Variants in SGCZ observed in about 807,000 individuals in gnomAD.
SGCZ encodes sarcoglycan zeta.
Under a neutral mutation model 41.3 loss-of-function variants are expected in SGCZ, and 40 were observed. The ratio of observed to expected loss-of-function variants is 0.97; its 90% confidence interval spans 0.75 to 1.26. The LOEUF is 1.26. SGCZ is among the 50% of genes most tolerant of loss of function. The probability of loss-of-function intolerance (pLI) is 0.00; values close to 1 mark genes in which losing one functional copy is unlikely to be tolerated. For synonymous variants in SGCZ, 206 were observed against 137.5 expected (o/e 1.50, Z -3.49); for missense variants, 552 against 369.8 (o/e 1.49, Z -4.04).
At position 15,005,333 on chromosome 8, in the gene SGCZ, T is replaced by TC. The variant is rs1329693142; in HGVS notation, c.39+232251_39+232252insG. On this transcript the variant is annotated intron_variant, in intron 1 of 7. Coordinates refer to ENST00000382080, the MANE Select transcript of SGCZ (RefSeq NM_139167.4). ...TCCCCCGTTTTTTTCTTTTTCTTTT[T>TC]TTTTTTTTTTTTTTTGACATGGAGT... is the stretch of plus-strand genomic sequence containing the variant. Among the ~76,000 whole-genome samples the TC allele has an allele frequency of 1.9e-4, 27 of 142,542 alleles. No homozygotes were observed. The East Asian group carries it at 4.4e-3, about 23-fold the overall frequency. The allele number at this position is 142,542 out of a possible 152,430, so 93.5% of individuals were successfully genotyped here.
intron 2 of SGCZ, among the ~76,000 whole-genome samples, chr8:14,368,427 G>A (rs1428981909): frequency 1.3e-5 from 2 of 151,990 alleles, no homozygotes; most frequent in East Asian, 3.8e-4. Context: ...TACGGCATCA[G>A]CAATTAGATG....
intron 1 of SGCZ, among the ~76,000 whole-genome samples, chr8:15,134,217 C>T (rs1417303999): frequency 2.0e-5 from 3 of 151,788 alleles, no homozygotes; most frequent in Non-Finnish European, 4.4e-5. Flanking sequence ...ATCATACCAG[C>T]TGGAAAAGGT....
chr8:14,829,427 TTTTC>T (rs1802450168), intron 1 of SGCZ, among the ~76,000 whole-genome samples: 1 of 152,236 alleles, frequency 6.6e-6, no homozygotes, highest in South Asian at 2.1e-4. Flanking sequence ...GTGTATATTA[TTTTC>T]TTTATCTTTT....
In SGCZ at chr8:15,236,189, C is replaced by G. The variant is rs146309238; in HGVS notation, c.39+1396G>C. On this transcript the variant is annotated intron_variant, in intron 1 of 7. Coordinates refer to ENST00000382080, the MANE Select transcript of SGCZ (RefSeq NM_139167.4). Reference sequence around the variant, plus strand: ...ACTGTCCTCCCTCCGTCCTGGACTGCATCTACAGTCAGTGGCAGGGCGATT... The same window carrying G: ...ACTGTCCTCCCTCCGTCCTGGACTGGATCTACAGTCAGTGGCAGGGCGATT... Among the ~76,000 whole-genome samples, 729 of 152,336 alleles carry G rather than the reference C, an allele frequency of 4.8e-3. 5 individuals are homozygous for G. Among genetic ancestry groups the G allele is most frequent in the African/African-American group, 0.017 (694 of 41,582 alleles).
At chr8:14,953,757 G>T (rs934485388) in intron 1 of SGCZ, among the ~76,000 whole-genome samples, 24 of 152,140 alleles carry the variant, frequency 1.6e-4, no homozygotes, top group Admixed American at 2.6e-4. Flanking sequence ...GAGACTAAAT[G>T]AATTAATTCA....
intron 1 of SGCZ, among the ~76,000 whole-genome samples, chr8:14,610,407 C>T (rs1805890049): frequency 6.6e-6 from 1 of 152,156 alleles, no homozygotes; most frequent in African/African-American, 2.4e-5. Flanking sequence ...AATTCTTCTT[C>T]TTTAAGCTTC....
intron 1 of SGCZ, among the ~76,000 whole-genome samples, chr8:14,799,492 A>G (rs1342737451): frequency 6.6e-6 from 1 of 152,064 alleles, no homozygotes; most frequent in African/African-American, 2.4e-5. Flanking sequence ...ATCCAGTATT[A>G]ACCAGTCTAA....
intron 1 of SGCZ, among the ~76,000 whole-genome samples, chr8:14,669,365 G>GTAAGTAAGTAAGTAAGTAAGTAAGTAAT (rs1330393691): frequency 1.1e-5 from 1 of 89,454 alleles, no homozygotes; most frequent in Non-Finnish European, 2.0e-5. Flanking sequence ...CTCTAAGTAA[G>GTAAGTAAGTAAGTAAGTAAGTAAGTAAT]TAAGTAAGTA....
chr8:14,911,803 T>A (rs1242979782), intron 1 of SGCZ, among the ~76,000 whole-genome samples: 3 of 151,904 alleles, frequency 2.0e-5, no homozygotes, highest in Admixed American at 2.0e-4. Flanking sequence ...CCTCAAGTAT[T>A]AATTAGGTTC....
At chr8:14,655,817 C>G (rs1807547319) in intron 1 of SGCZ, among the ~76,000 whole-genome samples, 1 of 152,112 alleles carries the variant, frequency 6.6e-6, no homozygotes, top group Non-Finnish European at 1.5e-5. Flanking sequence ...TCCTCCCTTT[C>G]TAGAATGTTG....
At chr8:14,271,956 T>C (rs1027904628) in intron 3 of SGCZ, among the ~76,000 whole-genome samples, 4 of 152,160 alleles carry the variant, frequency 2.6e-5, no homozygotes, top group South Asian at 4.1e-4. Context: ...CCATGGGCCA[T>C]TGGACAAATT....
rs1051193875 is a variant in SGCZ, at chr8:14,175,554, T to C, written c.425-10852A>G. Among the ~76,000 whole-genome samples, 18 of 152,236 alleles carry C rather than the reference T, an allele frequency of 1.2e-4. No individual in the cohort carries two copies. In the East Asian group the frequency reaches 3.3e-3, roughly 28 times the overall value. ...TCTTAAGATACAAAGTAATAGACTT[T>C]GGTAAATCAAATTTTTACTTTTTCT... On this transcript the variant is annotated intron_variant, in intron 4 of 7. Transcript: ENST00000382080.
intron 2 of SGCZ, among the ~76,000 whole-genome samples, chr8:14,454,618 A>G (rs13280841): frequency 6.6e-6 from 1 of 152,174 alleles, no homozygotes; most frequent in Non-Finnish European, 1.5e-5. Flanking sequence ...TATGTGAAGG[A>G]AAATTTGCCC....
chr8:14,919,875 G>A (rs939524742), intron 1 of SGCZ, among the ~76,000 whole-genome samples: 8 of 151,974 alleles, frequency 5.3e-5, no homozygotes, highest in East Asian at 1.9e-4. Flanking sequence ...CCAAGATCAC[G>A]CCACTGCACT....
At chr8:15,032,517 T>G (rs1270608821) in intron 1 of SGCZ, among the ~76,000 whole-genome samples, 2 of 152,078 alleles carry the variant, frequency 1.3e-5, no homozygotes, top group Non-Finnish European at 2.9e-5. Context: ...CTGGGACTTA[T>G]GGACTGAGCC....
chr8:14,842,618 AC>A (rs1802963543), intron 1 of SGCZ, among the ~76,000 whole-genome samples: 1 of 152,146 alleles, frequency 6.6e-6, no homozygotes, highest in Non-Finnish European at 1.5e-5. Context: ...GGCAGGGGAA[AC>A]AAAACACAGT....
At chr8:14,691,994 C>G (rs1212175711) in intron 1 of SGCZ, among the ~76,000 whole-genome samples, 1 of 151,710 alleles carries the variant, frequency 6.6e-6, no homozygotes, top group African/African-American at 2.4e-5. Context: ...TAGGATAGTT[C>G]ACTTATAATT....
chr8:14,256,870 G>C (rs1416441414), intron 3 of SGCZ, among the ~76,000 whole-genome samples: 2 of 152,082 alleles, frequency 1.3e-5, no homozygotes, highest in Non-Finnish European at 2.9e-5. Context: ...ATTATTTATA[G>C]ACCATTGTTT....
intron 1 of SGCZ, among the ~76,000 whole-genome samples, chr8:15,134,599 A>G (rs932248137): frequency 6.6e-6 from 1 of 152,148 alleles, no homozygotes; most frequent in African/African-American, 2.4e-5. Flanking sequence ...AGAACTCTCA[A>G]TGTAGCATGT....
Sources: allele counts gnomAD v4.1 joint callset (sites outside exome capture counted in the v4.1 genomes callset), GRCh38; gene constraint gnomAD v4.1.1; transcripts MANE v1.5; gene names NCBI Gene and HGNC (gene_info 2026-07-23, HGNC 2026-07-21).